Variants in RIMBP2 observed in about 807,000 individuals in gnomAD.
RIMBP2 encodes the protein RIMS-binding protein 2.
RIMBP2 carries 48 observed loss-of-function variants against 118.6 expected under a neutral mutation model. The ratio of observed to expected loss-of-function variants is 0.40; its 90% CI spans 0.32 to 0.51. The LOEUF is 0.51. Ranked by LOEUF, RIMBP2 falls within the 20% of genes least tolerant of loss-of-function variation. The probability of loss-of-function intolerance (pLI) is 0.41; values close to 1 mark genes in which losing one functional copy is unlikely to be tolerated. For missense variants in RIMBP2, 1,551 were observed against 1,768.3 expected, an observed-to-expected ratio of 0.88 and a Z score of 2.20; for synonymous variants, 762 against 742.9, an observed-to-expected ratio of 1.03 and a Z score of -0.42.
rs2061410951 is a variant in RIMBP2 at position 130,622,945 on chromosome 12, CTAACAG to C, written c.-217+5371_-217+5376del. Among the ~76,000 whole-genome samples, 1 of 152,236 alleles carries C rather than the reference CTAACAG, an allele frequency of 6.6e-6. No individual in the cohort carries two copies. Among genetic ancestry groups the C allele is most frequent in the Admixed American group, 6.5e-5 (1 of 15,290 alleles). On this transcript the variant is annotated intron_variant, in intron 2 of 22. Transcript: ENST00000690449. The surrounding 1 kb of genome is among the most constrained non-coding windows in gnomAD (Gnocchi z 8.5). ...TGCAGGTAGGAACAAGAAGACTCATCTAACAGAGAAAATGAAAGAACAGATGGCGTG... is the reference window on the plus strand; with the variant it reads ...TGCAGGTAGGAACAAGAAGACTCATCAGAAAATGAAAGAACAGATGGCGTG...
chr12:130,473,911 A>C (rs943547947), intron 5 of RIMBP2, among the ~76,000 whole-genome samples: 1 of 148,468 alleles, frequency 6.7e-6, no homozygotes, highest in Non-Finnish European at 1.5e-5. Flanking sequence ...CACACGTTAC[A>C]TAATAGCCTT....
rs76828392 is a variant in RIMBP2 at position 130,501,614 on chromosome 12, A to G, written c.-4+5034T>C. The stretch of plus-strand genomic sequence containing the variant: ...CAGAAGTTACCACCATTTTCCAATA[A>G]TTTTCTGCATAACCTGCCCCTTAAT... On this transcript the variant is annotated intron_variant, in intron 4 of 22. Transcript: ENST00000690449. 1.3e-3 allele frequency among the ~76,000 whole-genome samples: 198 copies of G among 152,218 alleles called. 1 individual carries two copies. The highest frequency in any genetic ancestry group is 4.2e-3 in the African/African-American group (173 of 41,522).
chr12:130,460,859 G>A (rs939262939), intron 6 of RIMBP2, among the ~76,000 whole-genome samples: 3 of 152,196 alleles, frequency 2.0e-5, no homozygotes, highest in East Asian at 1.9e-4. Flanking sequence ...GAGCCAGCTC[G>A]CCTTGAGCCC....
rs901498568 is a variant in RIMBP2 at position 130,530,106 on chromosome 12, T to A, written c.-216-12189A>T. Among the ~76,000 whole-genome samples, 5 of 152,288 alleles carry A rather than the reference T, an allele frequency of 3.3e-5. No individual in the cohort carries two copies. The East Asian group carries it at 9.6e-4, about 29-fold the overall frequency. ...GAATCTCACCTGAGTGCCACTCTGG[T>A]GTGTAAGGACATCCATTCTTGGGAC... On this transcript the variant is annotated intron_variant, in intron 2 of 22. Transcript: ENST00000690449.
chr12:130,503,659 A>G (rs2138735796), intron 4 of RIMBP2, among the ~76,000 whole-genome samples: 1 of 152,320 alleles, frequency 6.6e-6, no homozygotes, highest in African/African-American at 2.4e-5. Flanking sequence ...TCCGAGTAAG[A>G]AAACCATGTC....
intron 1 of RIMBP2, among the ~76,000 whole-genome samples, chr12:130,669,645 G>A (rs1357893892): frequency 6.6e-6 from 1 of 152,180 alleles, no homozygotes; most frequent in Non-Finnish European, 1.5e-5. Context: ...CAGCCATGTG[G>A]AACTGTGAGC....
chr12:130,492,407 A>C (rs1196308589), intron 4 of RIMBP2, among the ~76,000 whole-genome samples: 1 of 152,178 alleles, frequency 6.6e-6, no homozygotes, highest in Non-Finnish European at 1.5e-5. Context: ...AACTGGGAAA[A>C]AAAATGGATC....
chr12:130,461,463 C>T (rs986552467), intron 6 of RIMBP2, among the ~76,000 whole-genome samples: 2 of 152,196 alleles, frequency 1.3e-5, no homozygotes, highest in Non-Finnish European at 2.9e-5. Context: ...AAAGCTAAAG[C>T]TTCTGGTTTC....
intron 1 of RIMBP2, among the ~76,000 whole-genome samples, chr12:130,634,480 C>T (rs2062217573): frequency 6.6e-6 from 1 of 152,182 alleles, no homozygotes; most frequent in African/African-American, 2.4e-5. Context: ...CACCCGAAGT[C>T]TCTGACTGGG....
At chr12:130,678,893 C>T (rs554258105) in intron 1 of RIMBP2, among the ~76,000 whole-genome samples, 8 of 152,188 alleles carry the variant, frequency 5.3e-5, no homozygotes, top group Non-Finnish European at 7.4e-5. Flanking sequence ...CCATAGTCAG[C>T]GGGGGCTTGG....
At chr12:130,510,077 C>T (rs996631808) in intron 3 of RIMBP2, among the ~76,000 whole-genome samples, 7 of 152,332 alleles carry the variant, frequency 4.6e-5, no homozygotes, top group Admixed American at 3.9e-4. Context: ...GCATCCAGTG[C>T]TTTGGTCAAG....
At chr12:130,696,435 CTGAG>C (rs2065580766) in intron 1 of RIMBP2, among the ~76,000 whole-genome samples, 1 of 152,090 alleles carries the variant, frequency 6.6e-6, no homozygotes, top group African/African-American at 2.4e-5. Context: ...GACATTAAAC[CTGAG>C]TAAGGTTTAA....
chr12:130,397,730 C>T (rs919507424), intron 22 of RIMBP2, 181 bp from the exon 23 acceptor site: 3 of 383,850 alleles, frequency 7.8e-6, no homozygotes, highest in African/African-American at 6.2e-5. Context: ...CAGAGAGAGG[C>T]CCCAGACATA....
At position 130,511,269 on chromosome 12, in the gene RIMBP2, C is replaced by G. The variant is rs940243076; in HGVS notation, c.-126-4499G>C. Among the ~76,000 whole-genome samples the G allele has an allele frequency of 2.6e-5, 4 of 152,218 alleles. No homozygotes were observed. The highest frequency in any genetic ancestry group is 1.3e-4 in the Admixed American group (2 of 15,286). On this transcript the variant is annotated intron_variant, in intron 3 of 22. Coordinates refer to ENST00000690449, the MANE Select transcript of RIMBP2 (RefSeq NM_001393629.1). This position sits in a 1 kb window ranked among gnomAD's most constrained non-coding sequence, Gnocchi z 4.3. The stretch of plus-strand genomic sequence containing the variant: ...TGTCCCCCAGAGCCTCAGGAAAGCA[C>G]ACCGGCCTGCTGACATCTTGACTTT...
chr12:130,541,917 T>C (rs2054645902), intron 2 of RIMBP2, among the ~76,000 whole-genome samples: 1 of 152,256 alleles, frequency 6.6e-6, no homozygotes, highest in Non-Finnish European at 1.5e-5. Flanking sequence ...AGCAAGCTAA[T>C]GCCCCCTTGG....
At chr12:130,544,071 C>A (rs1318129945) in intron 2 of RIMBP2, among the ~76,000 whole-genome samples, 1 of 152,150 alleles carries the variant, frequency 6.6e-6, no homozygotes, top group Non-Finnish European at 1.5e-5. Context: ...TAGCCTGGAA[C>A]CTACCATTCT....
chr12:130,674,498 G>A (rs769150987), intron 1 of RIMBP2, among the ~76,000 whole-genome samples: 1 of 152,138 alleles, frequency 6.6e-6, no homozygotes, highest in Non-Finnish European at 1.5e-5. Flanking sequence ...GTGCACCTGG[G>A]CACCTGGGCA....
chr12:130,460,724 A>T (rs1485978419), intron 6 of RIMBP2, among the ~76,000 whole-genome samples: 1 of 152,194 alleles, frequency 6.6e-6, no homozygotes, highest in African/African-American at 2.4e-5. Context: ...TGGTGTTCTT[A>T]GAGTGGCAGC....
chr12:130,556,538 G>A (rs140962454), intron 2 of RIMBP2, among the ~76,000 whole-genome samples: 33 of 152,320 alleles, frequency 2.2e-4, no homozygotes, highest in East Asian at 1.7e-3. Context: ...AGGGACGCTC[G>A]GGCACTCAGG....
Sources: allele counts gnomAD v4.1 joint callset (sites outside exome capture counted in the v4.1 genomes callset), GRCh38; gene constraint gnomAD v4.1.1; non-coding constraint Gnocchi (gnomAD v3.1); transcripts MANE v1.5; gene names NCBI Gene and HGNC (gene_info 2026-07-23, HGNC 2026-07-21).